Variants in TENT2 observed in about 807,000 individuals in gnomAD.
TENT2 encodes the protein poly(A) RNA polymerase GLD2.
TENT2 carries 44 observed loss-of-function variants against 72.2 expected under a neutral mutation model. The ratio of observed to expected loss-of-function variants is 0.61; its 90% CI spans 0.48 to 0.78. The LOEUF (loss-of-function observed/expected upper bound fraction) is 0.78. TENT2 is among the 30% of genes least tolerant of loss of function. The pLI, the probability that TENT2 is intolerant of heterozygous loss-of-function variation, is 0.00. For synonymous variants in TENT2, 212 were observed against 192.5 expected (o/e 1.10, Z -0.84); for missense variants, 541 against 569.6 (o/e 0.95, Z 0.51).
chr5:79,681,085 CTCTTTTTCTGTTT>C (rs766522238), intron 13 of TENT2, among the ~76,000 whole-genome samples: 11 of 144,870 alleles, frequency 7.6e-5, no homozygotes, highest in Non-Finnish European at 6.1e-5. Context: ...GTTTGCTTTT[CTCTTTTTCTGTTT>C]TCTTTTTCTG....
At chr5:79,613,258 G>A (rs1456743787) in intron 1 of TENT2, among the ~76,000 whole-genome samples, 183 bp downstream of exon 1, 1 of 152,182 alleles carries the variant, frequency 6.6e-6, no homozygotes, top group African/African-American at 2.4e-5. Context: ...GTGAGAACAC[G>A]AAAGGCTTAT....
intron 4 of TENT2, among the ~76,000 whole-genome samples, chr5:79,633,341 G>A (rs913593386): frequency 5.3e-5 from 8 of 150,068 alleles, no homozygotes; most frequent in Non-Finnish European, 8.8e-5. Flanking sequence ...CATTTTGAAA[G>A]CTCATTGCTG....
intron 11 of TENT2, among the ~76,000 whole-genome samples, chr5:79,666,321 A>C (rs1807869725): frequency 6.6e-6 from 1 of 151,842 alleles, no homozygotes; most frequent in African/African-American, 2.4e-5. Flanking sequence ...TTTTAAAGCA[A>C]AGAATCTTTC....
chr5:79,631,568 T>C (rs1008336561), intron 4 of TENT2, among the ~76,000 whole-genome samples: 3 of 152,186 alleles, frequency 2.0e-5, no homozygotes, highest in African/African-American at 7.2e-5. Context: ...CCAAGACTCG[T>C]TGAAATCGGT....
intron 14 of TENT2, among the ~76,000 whole-genome samples, chr5:79,682,834 C>T (rs1327318090): frequency 2.0e-5 from 3 of 152,190 alleles, no homozygotes; most frequent in Non-Finnish European, 4.4e-5. Context: ...ATTTATTCAT[C>T]AGTGATGTTG....
chr5:79,627,504 A>G (rs1771327944), intron 4 of TENT2, among the ~76,000 whole-genome samples: 1 of 152,054 alleles, frequency 6.6e-6, no homozygotes, highest in African/African-American at 2.4e-5. Context: ...TCGTTTTTTG[A>G]GACAGAGTTT....
chr5:79,619,810 A>G (rs1561450655), intron 2 of TENT2, 25 bp downstream of exon 2: 2 of 1,594,224 alleles, frequency 1.3e-6, no homozygotes, highest in Admixed American at 1.8e-5. Flanking sequence ...ATTTTGGCCC[A>G]TGTTGTTGGT....
At chr5:79,662,245 C>T (rs1467949720) in intron 11 of TENT2, among the ~76,000 whole-genome samples, 3 of 152,354 alleles carry the variant, frequency 2.0e-5, no homozygotes, top group Non-Finnish European at 4.4e-5. Flanking sequence ...TCCACCACAT[C>T]TGCAGTTACT....
At position 79,648,682 on chromosome 5, in the gene TENT2, C is replaced by T; in HGVS notation, c.887C>T (p.Thr296Ile). 13 of 1,589,666 alleles carry T rather than the reference C, an allele frequency of 8.2e-6. No homozygotes were observed. Among genetic ancestry groups the T allele is most frequent in the Non-Finnish European group, 1.1e-5 (13 of 1,168,138 alleles). Residue 296 changes from threonine (T) to isoleucine (I), a missense_variant, in exon 9 of 15, where the codon ACT becomes ATT. By Grantham distance (89) the Thr-to-Ile change is moderately conservative. Coordinates refer to ENST00000453514, the MANE Select transcript of TENT2 (RefSeq NM_001114394.3). ...VGIRNTFLLR[T>I]YAYLENRVRP... ...ATAAGAAACACATTCCTTCTCAGAA[C>T]TTATGCATACCGTAAGTTTGTTGTT... is the stretch of plus-strand genomic sequence containing the variant.
rs1439825719 is a variant in TENT2 at position 79,687,520 on chromosome 5, A to ATTACCTGATAC, written c.*2248_*2258dup. 6.6e-6 allele frequency among the ~76,000 whole-genome samples: 1 copy of ATTACCTGATAC among 152,174 alleles called. No individual in the cohort carries two copies. Among genetic ancestry groups the ATTACCTGATAC allele is most frequent in the Non-Finnish European group, 1.5e-5 (1 of 68,022 alleles). ...TCTTGATACTTTAAATCATCTCTAA[A>ATTACCTGATAC]TTACCTGATACGTAATACAATGTAA... is the stretch of plus-strand genomic sequence containing the variant. On this transcript the variant is annotated 3_prime_UTR_variant, in exon 15 of 15. Transcript: ENST00000453514.
chr5:79,646,299 G>A (rs891818065), intron 8 of TENT2, among the ~76,000 whole-genome samples: 3 of 152,026 alleles, frequency 2.0e-5, no homozygotes, highest in South Asian at 2.1e-4. Flanking sequence ...TGAATCAACC[G>A]TATATATTAA....
At chr5:79,650,345 A>G (rs1792842806) in intron 10 of TENT2, among the ~76,000 whole-genome samples, 1 of 152,242 alleles carries the variant, frequency 6.6e-6, no homozygotes, top group South Asian at 2.1e-4. Flanking sequence ...GACTTGTAAA[A>G]TGTCACATTT....
chr5:79,648,057 C>G (rs528465327), intron 8 of TENT2, among the ~76,000 whole-genome samples: 1 of 152,130 alleles, frequency 6.6e-6, no homozygotes, highest in African/African-American at 2.4e-5. Flanking sequence ...TGCTATAATT[C>G]CAGATTATTT....
intron 11 of TENT2, among the ~76,000 whole-genome samples, chr5:79,668,363 A>G (rs1810191392): frequency 2.6e-5 from 4 of 152,116 alleles, no homozygotes; most frequent in African/African-American, 7.2e-5. Flanking sequence ...TCCATCTAAG[A>G]TACAGAAACA....
intron 4 of TENT2, among the ~76,000 whole-genome samples, chr5:79,638,753 A>G (rs1561497612): frequency 6.6e-6 from 1 of 152,104 alleles, no homozygotes; most frequent in Non-Finnish European, 1.5e-5. Flanking sequence ...TTCATGATGA[A>G]TACCCGGTCA....
In TENT2 at chr5:79,668,887, G is replaced by A; in HGVS notation, c.1072-5G>A. 1 of 1,594,474 alleles carries A rather than the reference G, an allele frequency of 6.3e-7. No individual in the cohort carries two copies. Among genetic ancestry groups the A allele is most frequent in the African/African-American group, 1.3e-5 (1 of 74,108 alleles). On this transcript the variant is annotated splice_region_variant and splice_polypyrimidine_tract_variant and intron_variant, in intron 11 of 14. Transcript: ENST00000453514. Reference sequence around the variant, plus strand: ...TACATTTTTTCCCCTTCTTCTTTTTGACAGGAGTCTTTTAGTCCTGCTATA... The same window carrying A: ...TACATTTTTTCCCCTTCTTCTTTTTAACAGGAGTCTTTTAGTCCTGCTATA...
intron 14 of TENT2, 49 bp downstream of exon 14, chr5:79,682,110 C>T: frequency 7.3e-7 from 1 of 1,374,416 alleles, no homozygotes; most frequent in South Asian, 1.2e-5. Context: ...GACTAGTATG[C>T]TTTAAACAGG....
At chr5:79,656,325 G>A (rs751729716) in intron 10 of TENT2, among the ~76,000 whole-genome samples, 2 of 151,880 alleles carry the variant, frequency 1.3e-5, no homozygotes, top group Non-Finnish European at 2.9e-5. Flanking sequence ...TTCTTTGTAT[G>A]AAATTTTATT....
At chr5:79,633,432 GTTTTTT>G (rs539713889) in intron 4 of TENT2, among the ~76,000 whole-genome samples, 1 of 80,350 alleles carries the variant, frequency 1.2e-5, no homozygotes, top group Non-Finnish European at 2.3e-5. Flanking sequence ...CAGCTAAAAA[GTTTTTT>G]TTTTTTTTTT....
Sources: gnomAD v4.1 joint callset for allele counts (sites outside exome capture counted in the v4.1 genomes callset) on GRCh38, gnomAD v4.1.1 for gene constraint, MANE v1.5 for transcripts, NCBI Gene and HGNC (gene_info 2026-07-23, HGNC 2026-07-21) for gene names.